KCNMA1: variants seen among roughly 807,000 people sequenced by gnomAD.
KCNMA1 encodes the protein Calcium-activated potassium channel subunit alpha-1.
KCNMA1 carries 29 observed loss-of-function variants against 140.0 expected under a neutral mutation model. That is an observed-to-expected ratio of 0.21 (90% CI 0.15 to 0.28). The LOEUF (loss-of-function observed/expected upper bound fraction) is 0.28. Ranked by LOEUF, KCNMA1 falls within the 10% of genes least tolerant of loss-of-function variation. KCNMA1 has a pLI of 1.00. For missense variants in KCNMA1, 880 were observed against 1,602.2 expected, an observed-to-expected ratio of 0.55 and a Z score of 7.70; for synonymous variants, 612 against 611.9, an observed-to-expected ratio of 1.00 and a Z score of 0.00.
chr10:77,126,994 T>A (rs2153973477), intron 5 of KCNMA1, among the ~76,000 whole-genome samples: 1 of 150,760 alleles, frequency 6.6e-6, no homozygotes, highest in East Asian at 2.0e-4. Flanking sequence ...ATATGAAGAA[T>A]TACAATAGCG....
chr10:77,218,612 C>T (rs2048560834), intron 3 of KCNMA1, among the ~76,000 whole-genome samples: 2 of 152,172 alleles, frequency 1.3e-5, no homozygotes, highest in South Asian at 4.1e-4. Context: ...CGCAAATATC[C>T]ATGATCCCAA....
chr10:77,479,480 C>A (rs1326901201), intron 1 of KCNMA1, among the ~76,000 whole-genome samples: 1 of 152,184 alleles, frequency 6.6e-6, no homozygotes, highest in Non-Finnish European at 1.5e-5. Context: ...ACCAGCAGAG[C>A]CTCCCCAAAG....
chr10:77,488,616 C>T lies in KCNMA1; in HGVS notation c.379-84593G>A, dbSNP rs572816542. Among the ~76,000 whole-genome samples, 5 of 152,266 alleles carry T rather than the reference C, an allele frequency of 3.3e-5. No individual in the cohort carries two copies. In the South Asian group the frequency reaches 1.0e-3, roughly 32 times the overall value. On this transcript the variant is annotated intron_variant, in intron 1 of 27. Coordinates refer to ENST00000286628, the MANE Select transcript of KCNMA1 (RefSeq NM_001161352.2). ...GCAGCTCTGTGGGTGCACAGCCCTG[C>T]CCATCATTTCCCCCTGTATTAGGAA...
At chr10:77,028,229 A>T (rs2093638517) in intron 15 of KCNMA1, among the ~76,000 whole-genome samples, 2 of 152,138 alleles carry the variant, frequency 1.3e-5, no homozygotes, top group Non-Finnish European at 2.9e-5. Flanking sequence ...TGTTAACTAC[A>T]GGGGGAGGGA....
chr10:77,473,227 C>G (rs2098204557), intron 1 of KCNMA1, among the ~76,000 whole-genome samples: 1 of 152,210 alleles, frequency 6.6e-6, no homozygotes, highest in South Asian at 2.1e-4. Context: ...CTTCAACTGG[C>G]CAACTTTCAT....
At chr10:77,376,806 C>T (rs1343992275) in intron 2 of KCNMA1, among the ~76,000 whole-genome samples, 5 of 151,910 alleles carry the variant, frequency 3.3e-5, no homozygotes, top group African/African-American at 9.7e-5. Flanking sequence ...GGAGTCGTGG[C>T]GCATGCCTGT....
chr10:77,029,009 G>A (rs979115032), intron 15 of KCNMA1, among the ~76,000 whole-genome samples: 2 of 152,036 alleles, frequency 1.3e-5, no homozygotes, highest in African/African-American at 4.8e-5. Context: ...ATTCTAAATG[G>A]CTTTTCAAAG....
intron 1 of KCNMA1, among the ~76,000 whole-genome samples, chr10:77,469,251 G>A (rs1289250501): frequency 2.0e-5 from 3 of 152,156 alleles, no homozygotes; most frequent in South Asian, 2.1e-4. Flanking sequence ...AGATCCACAC[G>A]CCATCCAAGT....
At chr10:77,095,245 C>T (rs1454190707) in intron 9 of KCNMA1, among the ~76,000 whole-genome samples, 1 of 152,190 alleles carries the variant, frequency 6.6e-6, no homozygotes, top group Admixed American at 6.5e-5. Flanking sequence ...GACCAATAGT[C>T]CTCAATCAAT....
intron 1 of KCNMA1, among the ~76,000 whole-genome samples, chr10:77,596,386 T>C (rs2080940787): frequency 6.6e-6 from 1 of 152,218 alleles, no homozygotes; most frequent in African/African-American, 2.4e-5. Context: ...ATACACAAGA[T>C]TATTCATTGT....
intron 1 of KCNMA1, among the ~76,000 whole-genome samples, chr10:77,459,924 G>A (rs1400725852): frequency 6.6e-6 from 1 of 152,168 alleles, no homozygotes; most frequent in Non-Finnish European, 1.5e-5. Context: ...AAAATTAAAT[G>A]AGCCCATGCT....
chr10:77,448,803 TA>T (rs1261757031), intron 1 of KCNMA1, among the ~76,000 whole-genome samples: 1 of 152,158 alleles, frequency 6.6e-6, no homozygotes, highest in Non-Finnish European at 1.5e-5. Context: ...AAAATACTAC[TA>T]ACAGGCCGGG....
chr10:77,386,574 A>G (rs1275323167), intron 2 of KCNMA1, among the ~76,000 whole-genome samples: 1 of 152,256 alleles, frequency 6.6e-6, no homozygotes, highest in East Asian at 1.9e-4. Flanking sequence ...GCCAGGGTGC[A>G]GGCACAACAG....
intron 19 of KCNMA1, chr10:76,978,314 C>T (rs2078314858): frequency 6.6e-6 from 1 of 152,200 alleles, no homozygotes; most frequent in South Asian, 2.1e-4. Flanking sequence ...TAGGCTTAAT[C>T]AGAATATCTC....
At position 77,307,056 on chromosome 10, in the gene KCNMA1, T is replaced by C. The variant is rs1346114460; in HGVS notation, c.541-55800A>G. 3.3e-5 allele frequency among the ~76,000 whole-genome samples: 5 copies of C among 152,190 alleles called. No individual in the cohort carries two copies. The East Asian group carries it at 9.6e-4, about 29-fold the overall frequency. On this transcript the variant is annotated intron_variant, in intron 2 of 27. Coordinates refer to ENST00000286628, the MANE Select transcript of KCNMA1 (RefSeq NM_001161352.2). Reference sequence around the variant, plus strand: ...CCCAGACCAGTTGACACTCTCAACTTGCAAAAGAACACATGAGGTAGAATC... The same window carrying C: ...CCCAGACCAGTTGACACTCTCAACTCGCAAAAGAACACATGAGGTAGAATC...
intron 5 of KCNMA1, among the ~76,000 whole-genome samples, chr10:77,170,359 T>C (rs2098690523): frequency 6.6e-6 from 1 of 152,172 alleles, no homozygotes; most frequent in South Asian, 2.1e-4. Flanking sequence ...CACCCTGCTA[T>C]TGGAGAGAGG....
intron 19 of KCNMA1, among the ~76,000 whole-genome samples, chr10:76,982,147 C>G (rs2079697851): frequency 6.6e-6 from 1 of 151,908 alleles, no homozygotes; most frequent in Non-Finnish European, 1.5e-5. Flanking sequence ...TTTAAAGATG[C>G]ACAATAAGAG....
intron 23 of KCNMA1, among the ~76,000 whole-genome samples, chr10:76,923,418 G>C (rs1351992936): frequency 6.9e-6 from 1 of 145,074 alleles, no homozygotes; most frequent in Non-Finnish European, 1.5e-5. Flanking sequence ...AACAAAGCGA[G>C]ACTCCGTCTC....
chr10:76,891,762 C>T (rs938669438), intron 25 of KCNMA1, 43 bp from the exon 26 acceptor site: 1 of 1,523,962 alleles, frequency 6.6e-7, no homozygotes, highest in Non-Finnish European at 9.1e-7. Context: ...TTTAAGCAAA[C>T]ACCCTAAAGT....
Sources: allele counts gnomAD v4.1 joint callset (sites outside exome capture counted in the v4.1 genomes callset), GRCh38; gene constraint gnomAD v4.1.1; transcripts MANE v1.5; gene names NCBI Gene and HGNC (gene_info 2026-07-23, HGNC 2026-07-21).